The following VRTN variants were observed in gnomAD, a reference collection of about 807,000 sequenced individuals.
VRTN encodes the protein vertebrae development associated.
VRTN carries 5 observed loss-of-function variants against 18.2 expected under a neutral mutation model. The ratio of observed to expected loss-of-function variants is 0.27; its 90% confidence interval spans 0.14 to 0.58. The LOEUF is 0.58. Among genes scored for constraint, VRTN ranks in the 20% least tolerant of loss-of-function variants. The pLI, the probability that VRTN is intolerant of heterozygous loss-of-function variation, is 0.91. For synonymous variants in VRTN, 381 were observed against 393.7 expected (o/e 0.97, Z 0.38); for missense variants, 741 against 939.4 (o/e 0.79, Z 2.76).
chr14:74,324,508 C>A (rs2085476227), intron 1 of VRTN, among the ~76,000 whole-genome samples: 1 of 151,952 alleles, frequency 6.6e-6, no homozygotes, highest in South Asian at 2.1e-4. Flanking sequence ...TATGGCCAGT[C>A]TGTCTGGCAG....
intron 1 of VRTN, among the ~76,000 whole-genome samples, chr14:74,356,404 G>A (rs1008095582): frequency 6.6e-6 from 1 of 152,046 alleles, no homozygotes; most frequent in Admixed American, 6.6e-5. Flanking sequence ...GGCTGGTCTC[G>A]AACTCCTGCC....
intron 2 of VRTN, among the ~76,000 whole-genome samples, chr14:74,341,399 C>A (rs1452805635): frequency 6.6e-6 from 1 of 152,198 alleles, no homozygotes; most frequent in East Asian, 1.9e-4. Flanking sequence ...CAACATAGGA[C>A]TTGCTTTTAG....
upstream of VRTN, among the ~76,000 whole-genome samples, chr14:74,344,749 G>GAAAAAAAAAAA (rs1323636061): frequency 6.4e-5 from 2 of 31,460 alleles, no homozygotes; most frequent in African/African-American, 1.8e-4. Context: ...AAAAAAAAAT[G>GAAAAAAAAAAA]AAAAAAAGAA....
At chr14:74,353,018 T>A (rs1595175531) in intron 1 of VRTN, among the ~76,000 whole-genome samples, 1 of 152,220 alleles carries the variant, frequency 6.6e-6, no homozygotes, top group East Asian at 1.9e-4. Context: ...GGGCCAGGCA[T>A]GGTGGCTCAC....
intron 1 of VRTN, among the ~76,000 whole-genome samples, chr14:74,314,394 C>CTTTTTTTTTTTTTTTTTTTTTTTT (rs10676222): frequency 9.2e-6 from 1 of 108,824 alleles, no homozygotes; most frequent in Non-Finnish European, 1.8e-5. Context: ...AAAAACTGTT[C>CTTTTTTTTTTTTTTTTTTTTTTTT]TTTTTTTTTT....
chr14:74,326,615 A>G (rs1474069257), intron 1 of VRTN, among the ~76,000 whole-genome samples: 2 of 152,024 alleles, frequency 1.3e-5, no homozygotes, highest in Non-Finnish European at 2.9e-5. Context: ...AGTTCCATGA[A>G]TTCTTGCCCC....
At chr14:74,351,520 T>TA (rs1555411973) in intron 1 of VRTN, among the ~76,000 whole-genome samples, 148 of 101,240 alleles carry the variant, frequency 1.5e-3, no homozygotes, top group Admixed American at 4.5e-3. Flanking sequence ...TTTTTTTTTT[T>TA]AAGACAGTCT....
Position 74,357,964 on chromosome 14 carries a change from T to C in VRTN, c.1181T>C (p.Val394Ala). The C allele has an allele frequency of 1.2e-6, 2 of 1,614,086 alleles. No individual in the cohort carries two copies. Among genetic ancestry groups the C allele is most frequent in the Non-Finnish European group, 1.7e-6 (2 of 1,180,024 alleles). The stretch of plus-strand genomic sequence containing the variant: ...GAGCTGGAGTGCTCCGCACTGGCGG[T>C]GTCAAGCCCTGGAATGGTCTTAATG... ...EEELECSALA[V>A]SSPGMVLMQR... Residue 394 changes from valine to alanine, a missense_variant, in exon 2 of 2, where the codon GTG becomes GCG. Physicochemically the swap from Val to Ala is moderately conservative, Grantham distance 64. Coordinates refer to ENST00000256362, the MANE Select transcript of VRTN (RefSeq NM_018228.3). This position sits in a 1 kb window ranked among gnomAD's most constrained non-coding sequence, Gnocchi z 7.8.
At chr14:74,306,611 GT>G (rs571889045) in intron 1 of VRTN, 7,178 of 134,484 alleles carry the variant, frequency 0.053, 186 homozygotes, top group African/African-American at 0.082. Context: ...TGTATGTGTG[GT>G]TTTTTTTTTT....
At chr14:74,354,471 C>A (rs2085709863) in intron 1 of VRTN, among the ~76,000 whole-genome samples, 1 of 151,286 alleles carries the variant, frequency 6.6e-6, no homozygotes, top group African/African-American at 2.4e-5. Flanking sequence ...GTGATGCAAT[C>A]TTGGCTCACT....
intron 1 of VRTN, among the ~76,000 whole-genome samples, chr14:74,331,113 A>G (rs1595168384): frequency 6.6e-6 from 1 of 151,954 alleles, no homozygotes; most frequent in East Asian, 2.0e-4. Context: ...GAGGCAGGAG[A>G]ATGGCGTGAA....
chr14:74,333,925 T>G (rs1285810384), intron 1 of VRTN, among the ~76,000 whole-genome samples: 1 of 152,182 alleles, frequency 6.6e-6, no homozygotes, highest in Non-Finnish European at 1.5e-5. Context: ...CACTGCATTG[T>G]TCTAGTTGCT....
chr14:74,350,903 T>C (rs1204174969), intron 1 of VRTN, among the ~76,000 whole-genome samples: 3 of 152,204 alleles, frequency 2.0e-5, no homozygotes, highest in Non-Finnish European at 1.5e-5. Context: ...CATGCTCTCC[T>C]CAGGAAATCG....
Position 74,358,237 on chromosome 14 carries a change from A to G in VRTN, c.1454A>G (p.Asn485Ser). Residue 485 changes from asparagine to serine, a missense_variant, in exon 2 of 2, where the codon AAT becomes AGT. Transcript: ENST00000256362. This position sits in a 1 kb window ranked among gnomAD's most constrained non-coding sequence, Gnocchi z 5.4. ...WKSEAEEGAG[N>S]ATGEDPPAPG... is the part of the protein sequence containing the mutation. ...AGTGAGGCGGAAGAGGGGGCAGGGA[A>G]TGCCACAGGTGAGGACCCTCCCGCC... is the stretch of plus-strand genomic sequence containing the variant. 1 of 1,612,456 alleles carries G rather than the reference A, an allele frequency of 6.2e-7. No homozygotes were observed. The highest frequency in any genetic ancestry group is 1.1e-5 in the South Asian group (1 of 91,048).
chr14:74,323,055 C>T (rs1323395681), intron 1 of VRTN, among the ~76,000 whole-genome samples: 1 of 151,966 alleles, frequency 6.6e-6, no homozygotes, highest in Non-Finnish European at 1.5e-5. Flanking sequence ...ATCACTTGAA[C>T]CCAGGAGGTG....
At chr14:74,356,641 C>T (rs1442279253) in intron 1 of VRTN, 142 bp from the exon 2 acceptor site, 1 of 1,209,930 alleles carries the variant, frequency 8.3e-7, no homozygotes, top group Non-Finnish European at 1.1e-6. Context: ...CAGTGATGAA[C>T]CAATCCCGTC....
chr14:74,342,999 A>C (rs1177428842), intron 2 of VRTN, among the ~76,000 whole-genome samples: 1 of 152,206 alleles, frequency 6.6e-6, no homozygotes, highest in Non-Finnish European at 1.5e-5. Flanking sequence ...AAAACAAAAA[A>C]ACTATACTGA....
intron 1 of VRTN, among the ~76,000 whole-genome samples, chr14:74,315,478 T>G (rs2085414555): frequency 6.6e-6 from 1 of 152,206 alleles, no homozygotes; most frequent in South Asian, 2.1e-4. Context: ...GCGGGAGGAC[T>G]GCTTGAGGCC....
chr14:74,332,291 G>C (rs1477803408), intron 1 of VRTN, among the ~76,000 whole-genome samples: 2 of 143,940 alleles, frequency 1.4e-5, no homozygotes, highest in South Asian at 4.6e-4. Flanking sequence ...TGGCCTGGCA[G>C]GACAAGTCTA....
Sources: allele counts gnomAD v4.1 joint callset (sites outside exome capture counted in the v4.1 genomes callset), GRCh38; gene constraint gnomAD v4.1.1; non-coding constraint Gnocchi (gnomAD v3.1); transcripts MANE v1.5; gene names NCBI Gene and HGNC (gene_info 2026-07-23, HGNC 2026-07-21).